Variants in RNF112 observed in about 807,000 individuals in gnomAD.
The protein encoded by RNF112 is ring finger protein 112.
In RNF112, 34 loss-of-function variants were observed where a neutral mutation model predicts 64.7. That is an observed-to-expected ratio of 0.53 (90% CI 0.40 to 0.70). The LOEUF (loss-of-function observed/expected upper bound fraction) is 0.70, where lower values mean the gene tolerates loss of function less well. Among genes scored for constraint, RNF112 ranks in the 30% least tolerant of loss-of-function variants. The pLI is 0.00. For synonymous variants in RNF112, 345 were observed against 344.5 expected, an observed-to-expected ratio of 1.00 and a Z score of -0.02; for missense variants, 734 against 850.0, an observed-to-expected ratio of 0.86 and a Z score of 1.70.
In RNF112 at chr17:19,415,500, G is replaced by C. The variant is rs374605124; in HGVS notation, c.1351-18G>C. ...TGAGAAGGAAGGAAGGAGGCAGCCT[G>C]GGTTTTCCCGTGGACAGATGGCTGC... is the stretch of plus-strand genomic sequence containing the variant. On this transcript the variant is annotated intron_variant, in intron 12 of 13. Transcript: ENST00000461366. The surrounding 1 kb of genome is among the most constrained non-coding windows in gnomAD (Gnocchi z 7.8). 6.2e-7 allele frequency: 1 copy of C among 1,606,052 alleles called. No individual in the cohort carries two copies. The highest frequency in any genetic ancestry group is 1.3e-5 in the African/African-American group (1 of 74,908).
Position 19,414,798 on chromosome 17 carries a change from A to C in RNF112, c.1037A>C (p.Gln346Pro). ...QRLSGRYPKV[Q>P]ELLQGKRARC... ...TTGTCTGGCAGATACCCCAAGGTGC[A>C]GGAGCTGCTGCAAGGGAAGCGAGCC... The change falls in exon 10 of 14, where the codon CAG becomes CCG. Residue 346 changes from glutamine (Q) to proline (P), a missense_variant. Gln to Pro is a moderately conservative substitution (Grantham distance 76, BLOSUM62 -1). Transcript: ENST00000461366. 6.2e-7 allele frequency: 1 copy of C among 1,613,690 alleles called. No homozygotes were observed. Among genetic ancestry groups the C allele is most frequent in the Non-Finnish European group, 8.5e-7 (1 of 1,179,838 alleles).
intron 2 of RNF112, 101 bp downstream of exon 2, chr17:19,411,771 G>C: frequency 7.8e-7 from 1 of 1,279,698 alleles, no homozygotes; most frequent in African/African-American, 1.5e-5. Context: ...GCCCAGCCGG[G>C]AGGGCTGTCC....
In RNF112 at chr17:19,415,228, C is replaced by T; in HGVS notation, c.1296+21C>T. On this transcript the variant is annotated intron_variant, in intron 11 of 13. Transcript: ENST00000461366. The surrounding 1 kb of genome is among the most constrained non-coding windows in gnomAD (Gnocchi z 7.8). ...TCAAGGTGTGAAAACTCCCTGGAGA[C>T]CCAGGCGACTCGGCTGGGCCCCTGC... 1.2e-6 allele frequency: 2 copies of T among 1,600,220 alleles called. No homozygotes were observed. Among genetic ancestry groups the T allele is most frequent in the Non-Finnish European group, 1.7e-6 (2 of 1,176,432 alleles).
chr17:19,414,882 C>G lies in RNF112; in HGVS notation c.1121C>G (p.Pro374Arg), dbSNP rs1374087905. 1 of 1,613,326 alleles carries G rather than the reference C, an allele frequency of 6.2e-7. No homozygotes were observed. The highest frequency in any genetic ancestry group is 2.2e-5 in the East Asian group (1 of 44,888). ...CGGATGAACCAAGGCCATGCAAGCC[C>G]TGGTGGTGAGTGTCTCTGAGAGCTG... Reference protein sequence around the residue: ...RRRMNQGHASPGDTDDDFRHL... With the variant: ...RRRMNQGHASRGDTDDDFRHL... Residue 374 changes from proline to arginine, a missense_variant, in exon 10 of 14, where the codon CCT becomes CGT. Physicochemically the swap from Pro to Arg is moderately radical, Grantham distance 103 (BLOSUM62 -2). Transcript: ENST00000461366.
chr17:19,412,756 G>T lies in RNF112; in HGVS notation c.354G>T (p.Pro118=). ...TGGGCGAGAAGATGAAGCTCCTGCCGCAGCGGCCGCTGCCCCCTGCACTGC... is the reference window on the plus strand; with the variant it reads ...TGGGCGAGAAGATGAAGCTCCTGCCTCAGCGGCCGCTGCCCCCTGCACTGC... ...RSLGEKMKLL[P]QRPLPPALQE... Residue 118 remains proline, a synonymous_variant, in exon 3 of 14, where the codon CCG becomes CCT. Transcript: ENST00000461366. The surrounding 1 kb of genome is among the most constrained non-coding windows in gnomAD (Gnocchi z 5.1). The T allele has an allele frequency of 6.2e-7, 1 of 1,612,784 alleles. No homozygotes were observed. The highest frequency in any genetic ancestry group is 8.5e-7 in the Non-Finnish European group (1 of 1,179,712).
At position 19,415,501 on chromosome 17, in the gene RNF112, G is replaced by T; in HGVS notation, c.1351-17G>T. ...GAGAAGGAAGGAAGGAGGCAGCCTG[G>T]GTTTTCCCGTGGACAGATGGCTGCT... On this transcript the variant is annotated splice_polypyrimidine_tract_variant and intron_variant, in intron 12 of 13. Transcript: ENST00000461366. The surrounding 1 kb of genome is among the most constrained non-coding windows in gnomAD (Gnocchi z 7.8). 1.9e-6 allele frequency: 3 copies of T among 1,606,386 alleles called. No individual in the cohort carries two copies. The highest frequency in any genetic ancestry group is 2.5e-6 in the Non-Finnish European group (3 of 1,176,620).
chr17:19,413,049 A>T lies in RNF112; in HGVS notation c.493A>T (p.Arg165Trp). ...INRCLKHPLA[R>W]DTPVCLLAVL... Reference sequence around the variant, plus strand: ...CCGCTGCCTGAAGCACCCTCTGGCCAGGGACACCCCAGTCTGCCTCCTCGC... The same window carrying T: ...CCGCTGCCTGAAGCACCCTCTGGCCTGGGACACCCCAGTCTGCCTCCTCGC... The change falls in exon 4 of 14, where the codon AGG (arginine) becomes TGG (tryptophan). Residue 165 changes from arginine (R) to tryptophan (W), a missense_variant. By Grantham distance (101) the Arg-to-Trp change is moderately radical (BLOSUM62 -3). Coordinates refer to ENST00000461366, the MANE Select transcript of RNF112 (RefSeq NM_007148.5). The surrounding 1 kb of genome is among the most constrained non-coding windows in gnomAD (Gnocchi z 5.9). 6.2e-7 allele frequency: 1 copy of T among 1,613,110 alleles called. No homozygotes were observed. The highest frequency in any genetic ancestry group is 8.5e-7 in the Non-Finnish European group (1 of 1,179,750).
Position 19,411,638 on chromosome 17 carries a change from A to G in RNF112, c.63A>G (p.Lys21=). The change falls in exon 2 of 14, where the codon AAA becomes AAG. Residue 21 remains lysine, a synonymous_variant. Coordinates refer to ENST00000461366, the MANE Select transcript of RNF112 (RefSeq NM_007148.5). ...TTTTTTTTTTCTCCAAGGAGAGAAA[A>G]CAGAGCTTCATGGGAAACAGCGGCA... The part of the protein sequence containing the change: ...FCHRLGKRER[K]QSFMGNSGNS... 6.4e-7 allele frequency: 1 copy of G among 1,564,596 alleles called. No individual in the cohort carries two copies.
At position 19,415,126 on chromosome 17, in the gene RNF112, G is replaced by A. The variant is rs991780449; in HGVS notation, c.1215G>A (p.Gln405=). 3.1e-6 allele frequency: 5 copies of A among 1,608,936 alleles called. No individual in the cohort carries two copies. The Admixed American group carries it at 5.1e-5, about 17-fold the overall frequency. Residue 405 remains glutamine (Q), a synonymous_variant, in exon 11 of 14, where the codon CAG becomes CAA. Coordinates refer to ENST00000461366, the MANE Select transcript of RNF112 (RefSeq NM_007148.5). The surrounding 1 kb of genome is among the most constrained non-coding windows in gnomAD (Gnocchi z 7.8). The part of the protein sequence containing the change: ...AAPQHAKSRC[Q]GYWNEGRAVA... The stretch of plus-strand genomic sequence containing the variant: ...CCCAGCACGCTAAGAGCCGCTGCCA[G>A]GGGTACTGGAACGAGGGGCGCGCCG...
intron 2 of RNF112, chr17:19,411,967 G>T: frequency 1.9e-6 from 1 of 534,382 alleles, no homozygotes. Flanking sequence ...GGGTTGTGGA[G>T]GGTATCATCC....
chr17:19,414,550 C>T, intron 8 of RNF112, 36 bp from the exon 9 acceptor site: 1 of 1,613,912 alleles, frequency 6.2e-7, no homozygotes, highest in Non-Finnish European at 8.5e-7. Flanking sequence ...GCCCCGCCAC[C>T]CCCATTTGCT....
chr17:19,413,292 G>A lies in RNF112; in HGVS notation c.601G>A (p.Gly201Ser). The A allele has an allele frequency of 6.2e-7, 1 of 1,611,228 alleles. No homozygotes were observed. The highest frequency in any genetic ancestry group is 8.5e-7 in the Non-Finnish European group (1 of 1,178,208). Residue 201 changes from glycine to serine, a missense_variant, in exon 5 of 14, where the codon GGC (glycine) becomes AGC (serine). Physicochemically the swap from Gly to Ser is moderately conservative, Grantham distance 56. Coordinates refer to ENST00000461366, the MANE Select transcript of RNF112 (RefSeq NM_007148.5). The surrounding 1 kb of genome is among the most constrained non-coding windows in gnomAD (Gnocchi z 5.9). ...CTCTCCCCTGCAGGAGTCTGGTGAGGGCGGCCGGCCAAGAGGAGGAGAGGC... is the reference window on the plus strand; with the variant it reads ...CTCTCCCCTGCAGGAGTCTGGTGAGAGCGGCCGGCCAAGAGGAGGAGAGGC... ...QGLPGLESGE[G>S]GRPRGGEASL... is the part of the protein sequence containing the mutation.
At position 19,415,537 on chromosome 17, in the gene RNF112, A is replaced by T; in HGVS notation, c.1370A>T (p.Asp457Val). Residue 457 changes from aspartate (D) to valine (V), a missense_variant, in exon 13 of 14, where the codon GAC becomes GTC. Transcript: ENST00000461366. The surrounding 1 kb of genome is among the most constrained non-coding windows in gnomAD (Gnocchi z 7.8). ...SPDEMAAQLH[D>V]LRKVEAAKRE... is the part of the protein sequence containing the mutation. ...GGACAGATGGCTGCTCAGCTGCACG[A>T]CCTGAGGAAGGTGGAAGCTGCCAAG... The T allele has an allele frequency of 6.2e-7, 1 of 1,612,488 alleles. No homozygotes were observed. Among genetic ancestry groups the T allele is most frequent in the Non-Finnish European group, 8.5e-7 (1 of 1,179,422 alleles).
At position 19,414,390 on chromosome 17, in the gene RNF112, G is replaced by A; in HGVS notation, c.877-59G>A. The A allele has an allele frequency of 4.4e-6, 7 of 1,599,002 alleles. No homozygotes were observed. In the South Asian group the frequency reaches 6.6e-5, roughly 15 times the overall value. ...GTAGGGAGGTGGGGAGACAGGCTTGGGGTGCACCATAGTCCTCAAAGTGGC... is the reference window on the plus strand; with the variant it reads ...GTAGGGAGGTGGGGAGACAGGCTTGAGGTGCACCATAGTCCTCAAAGTGGC... On this transcript the variant is annotated intron_variant, in intron 7 of 13. Coordinates refer to ENST00000461366, the MANE Select transcript of RNF112 (RefSeq NM_007148.5).
In RNF112 at chr17:19,415,041, C is replaced by T. The variant is rs768739509; in HGVS notation, c.1130C>T (p.Thr377Ile). Residue 377 changes from threonine to isoleucine, a missense_variant, in exon 11 of 14, where the codon ACA becomes ATA. Physicochemically the swap from Thr to Ile is moderately conservative, Grantham distance 89. Transcript: ENST00000461366. The surrounding 1 kb of genome is among the most constrained non-coding windows in gnomAD (Gnocchi z 7.8). ...MNQGHASPGDTDDDFRHLLGA... is the reference protein window; with the variant it reads ...MNQGHASPGDIDDDFRHLLGA... Reference sequence around the variant, plus strand: ...AGCATGCACATCTCTCCCTCAGACACAGATGATGACTTCCGCCACCTTCTG... The same window carrying T: ...AGCATGCACATCTCTCCCTCAGACATAGATGATGACTTCCGCCACCTTCTG... The T allele has an allele frequency of 1.9e-6, 3 of 1,586,744 alleles. No individual in the cohort carries two copies. The highest frequency in any genetic ancestry group is 1.8e-5 in the Admixed American group (1 of 54,880).
At position 19,416,482 on chromosome 17, in the gene RNF112, C is replaced by T. The variant is rs949457684; in HGVS notation, c.*307C>T. On this transcript the variant is annotated 3_prime_UTR_variant, in exon 14 of 14. Transcript: ENST00000461366. ...CTGGCTGCAAGTGAGACTCCACCCT[C>T]CCCACCTGGCTCATTTCCCCGATGA... 7 of 311,730 alleles carry T rather than the reference C, an allele frequency of 2.2e-5. No homozygotes were observed. In the Admixed American group the frequency reaches 3.2e-4, roughly 14 times the overall value. The allele number at this position is 311,730 out of a possible 1,614,324, so 19.3% of individuals were successfully genotyped here.
chr17:19,411,837 T>A, intron 2 of RNF112, 167 bp downstream of exon 2: 1 of 722,852 alleles, frequency 1.4e-6, no homozygotes, highest in Non-Finnish European at 2.3e-6. Flanking sequence ...AGCAGGTGGG[T>A]GCTGCAGGGA....
rs200667147 is a variant in RNF112, at chr17:19,412,609, G to A, written c.207G>A (p.Ser69=). The A allele has an allele frequency of 7.0e-5, 113 of 1,613,288 alleles. No homozygotes were observed. In the South Asian group the frequency reaches 9.1e-4, roughly 13 times the overall value. ...TGGAGAGGTTGCGCGACCCCATCTC[G>A]CTGGACTGTGGCCACGACTTCTGCA... ...ICLERLRDPI[S]LDCGHDFCIR... is the part of the protein sequence containing the mutation. The change falls in exon 3 of 14, where the codon TCG becomes TCA. Residue 69 remains serine (S), a synonymous_variant. Coordinates refer to ENST00000461366, the MANE Select transcript of RNF112 (RefSeq NM_007148.5). The surrounding 1 kb of genome is among the most constrained non-coding windows in gnomAD (Gnocchi z 5.1).
chr17:19,411,979 T>C, intron 2 of RNF112: 1 of 515,346 alleles, frequency 1.9e-6, no homozygotes, highest in Non-Finnish European at 3.5e-6. Context: ...GTATCATCCC[T>C]GGGGGCCTGG....
Sources: gnomAD v4.1 joint callset for allele counts on GRCh38, gnomAD v4.1.1 for gene constraint, Gnocchi (gnomAD v3.1) non-coding constraint, MANE v1.5 for transcripts, NCBI Gene and HGNC (gene_info 2026-07-23, HGNC 2026-07-21) for gene names.